The following C1QTNF7 variants were observed in gnomAD, a reference collection of about 807,000 sequenced individuals.
The protein encoded by C1QTNF7 is complement C1q tumor necrosis factor-related protein 7.
A neutral mutation model predicts 19.6 loss-of-function variants in C1QTNF7; 15 were observed. That is an observed-to-expected ratio of 0.76 (90% CI 0.51 to 1.18). The LOEUF (loss-of-function observed/expected upper bound fraction) is 1.18, where lower values mean the gene tolerates loss of function less well. Ranked by LOEUF, C1QTNF7 falls within the 50% of genes most tolerant of loss-of-function variation. The pLI is 0.00. For missense variants in C1QTNF7, 324 were observed against 359.7 expected, an observed-to-expected ratio of 0.90 and a Z score of 0.80; for synonymous variants, 142 against 137.5, an observed-to-expected ratio of 1.03 and a Z score of -0.23.
chr4:15,395,506 T>C (rs1208073067), intron 1 of C1QTNF7, among the ~76,000 whole-genome samples: 3 of 152,074 alleles, frequency 2.0e-5, no homozygotes, highest in African/African-American at 7.2e-5. Context: ...GATGAATGGA[T>C]GCCAAATAGA....
At chr4:15,431,052 T>TGATA (rs33924061) in intron 1 of C1QTNF7, among the ~76,000 whole-genome samples, 17,711 of 144,886 alleles carry the variant, frequency 0.12, 1,071 homozygotes, top group East Asian at 0.18. Context: ...GATAGATAGA[T>TGATA]GATAGATAGA....
intron 1 of C1QTNF7, among the ~76,000 whole-genome samples, chr4:15,367,951 A>G (rs1045439250): frequency 1.3e-5 from 2 of 152,208 alleles, no homozygotes; most frequent in African/African-American, 4.8e-5. Context: ...AAAGTGTTCA[A>G]TTAGCTGAGT....
intron 1 of C1QTNF7, among the ~76,000 whole-genome samples, chr4:15,359,939 A>C (rs368531697): frequency 1.5e-4 from 23 of 152,308 alleles, no homozygotes; most frequent in African/African-American, 5.1e-4. Flanking sequence ...GGTAAGGAAA[A>C]GAGGAGACTT....
chr4:15,387,860 G>A (rs1046298268), intron 1 of C1QTNF7, among the ~76,000 whole-genome samples: 16 of 151,968 alleles, frequency 1.1e-4, no homozygotes, highest in Non-Finnish European at 2.4e-4. Context: ...CATATATATA[G>A]ATATACAGAT....
At chr4:15,359,084 G>A (rs1267946648) in intron 1 of C1QTNF7, among the ~76,000 whole-genome samples, 1 of 152,126 alleles carries the variant, frequency 6.6e-6, no homozygotes, top group Non-Finnish European at 1.5e-5. Flanking sequence ...TTCTTGCCCA[G>A]CAAACACTGC....
chr4:15,350,061 G>T (rs1716858725), intron 1 of C1QTNF7, among the ~76,000 whole-genome samples: 1 of 141,930 alleles, frequency 7.0e-6, no homozygotes, highest in Admixed American at 7.1e-5. Context: ...AAGGGAGGAA[G>T]GGAAGAAGGA....
intron 1 of C1QTNF7, among the ~76,000 whole-genome samples, chr4:15,343,169 G>A (rs902912505): frequency 1.1e-4 from 16 of 152,126 alleles, no homozygotes; most frequent in Admixed American, 5.9e-4. Context: ...TCCCGTGATC[G>A]GGTTATTAAT....
rs987641837 is a variant in C1QTNF7 at position 15,446,146 on chromosome 4, C to A, written c.*3347C>A. 2.0e-5 allele frequency: 3 copies of A among 152,062 alleles called. No homozygotes were observed. The highest frequency in any genetic ancestry group is 2.1e-4 in the South Asian group (1 of 4,824). 9.4% of individuals were successfully genotyped at this position (152,062 alleles called of 1,614,324 possible). A position where few individuals can be genotyped will look rare whatever the true frequency, so the allele number is the denominator to read the frequency against. ...ACCACTCTGTGTAAAAGATCATGAA[C>A]GTAAATAAATTTTAGATATGAGCTG... is the stretch of plus-strand genomic sequence containing the variant. On this transcript the variant is annotated 3_prime_UTR_variant, in exon 3 of 3. Coordinates refer to ENST00000444304, the MANE Select transcript of C1QTNF7 (RefSeq NM_031911.5).
In C1QTNF7 at chr4:15,422,287, A is replaced by AT. The variant is rs1399726764; in HGVS notation, c.14-13443dup. 2.7e-5 allele frequency among the ~76,000 whole-genome samples: 4 copies of AT among 150,334 alleles called. No individual in the cohort carries two copies. The East Asian group carries it at 7.8e-4, about 29-fold the overall frequency. On this transcript the variant is annotated intron_variant, in intron 1 of 2. Coordinates refer to the C1QTNF7 transcript ENST00000295297. The stretch of plus-strand genomic sequence containing the variant: ...ATCCAGATTCCTTGGGATTTGGCAG[A>AT]TTTTTTATCTCCAGTTCATTGACCT...
Position 15,442,839 on chromosome 4 carries a change from C to G in C1QTNF7, c.*40C>G, listed in dbSNP as rs1474608894. ...CCTGTGGTAAACACTCTGATTGAAT[C>G]TGGGGTTCCAGAAGGTGGAACAAGC... On this transcript the variant is annotated 3_prime_UTR_variant, in exon 3 of 3. Coordinates refer to ENST00000444304, the MANE Select transcript of C1QTNF7 (RefSeq NM_031911.5). The G allele has an allele frequency of 6.6e-7, 1 of 1,526,378 alleles. No individual in the cohort carries two copies. The highest frequency in any genetic ancestry group is 8.8e-7 in the Non-Finnish European group (1 of 1,142,028). The allele number at this position is 1,526,378 out of a possible 1,614,324, so 94.6% of individuals were successfully genotyped here. A position where few individuals can be genotyped will look rare whatever the true frequency, so the allele number is the denominator to read the frequency against.
At chr4:15,370,262 A>G (rs1448406013) in intron 1 of C1QTNF7, among the ~76,000 whole-genome samples, 1 of 152,198 alleles carries the variant, frequency 6.6e-6, no homozygotes, top group Non-Finnish European at 1.5e-5. Flanking sequence ...GAAAAAAAGC[A>G]TTCTGTTTGG....
intron 1 of C1QTNF7, among the ~76,000 whole-genome samples, chr4:15,346,417 T>C (rs1277948619): frequency 6.6e-6 from 1 of 152,228 alleles, no homozygotes; most frequent in Non-Finnish European, 1.5e-5. Context: ...CTACCAATGA[T>C]ATAAAGTCAT....
chr4:15,400,864 AG>A (rs1718963403), intron 1 of C1QTNF7, among the ~76,000 whole-genome samples: 1 of 152,318 alleles, frequency 6.6e-6, no homozygotes. Flanking sequence ...GTGGGCCCTC[AG>A]GACCCAGCCA....
At chr4:15,355,524 T>A (rs1306835665) in intron 1 of C1QTNF7, among the ~76,000 whole-genome samples, 2 of 151,902 alleles carry the variant, frequency 1.3e-5, no homozygotes, top group Non-Finnish European at 2.9e-5. Flanking sequence ...ACTGGAGAGG[T>A]GGCTCAGACC....
intron 1 of C1QTNF7, among the ~76,000 whole-genome samples, chr4:15,370,597 T>C (rs769163801): frequency 6.6e-6 from 1 of 152,166 alleles, no homozygotes; most frequent in Non-Finnish European, 1.5e-5. Context: ...AACTCACTCA[T>C]ATTCAACAGA....
At chr4:15,364,307 CT>C (rs1717438075) in intron 1 of C1QTNF7, among the ~76,000 whole-genome samples, 1 of 152,196 alleles carries the variant, frequency 6.6e-6, no homozygotes, top group Non-Finnish European at 1.5e-5. Flanking sequence ...TCAATGATGT[CT>C]GTTGAATGAA....
At chr4:15,382,869 G>A (rs149193341) in intron 1 of C1QTNF7, among the ~76,000 whole-genome samples, 140 of 152,204 alleles carry the variant, frequency 9.2e-4, no homozygotes, top group Non-Finnish European at 1.7e-3. Flanking sequence ...CCAGCTCTCG[G>A]CAGGCTCACC....
intron 1 of C1QTNF7, among the ~76,000 whole-genome samples, chr4:15,362,858 G>A (rs1476055334): frequency 6.6e-6 from 1 of 152,128 alleles, no homozygotes; most frequent in South Asian, 2.1e-4. Context: ...TTTACAAAGT[G>A]CTTTCACATA....
intron 1 of C1QTNF7, among the ~76,000 whole-genome samples, chr4:15,369,413 CAT>C (rs1424899464): frequency 1.3e-5 from 2 of 152,108 alleles, no homozygotes; most frequent in Non-Finnish European, 2.9e-5. Context: ...CTCTGTTAAA[CAT>C]ATATTATTTC....
Sources: gnomAD v4.1 joint callset for allele counts (sites outside exome capture counted in the v4.1 genomes callset) on GRCh38, gnomAD v4.1.1 for gene constraint, MANE v1.5 for transcripts, NCBI Gene and HGNC (gene_info 2026-07-23, HGNC 2026-07-21) for gene names.